The following ACOT7 variants were observed in gnomAD, a reference collection of about 807,000 sequenced individuals.
ACOT7 encodes the protein acyl-CoA thioesterase 7.
ACOT7 carries 12 observed loss-of-function variants against 40.2 expected under a neutral mutation model. The ratio of observed to expected loss-of-function variants is 0.30; its 90% CI spans 0.19 to 0.48. ACOT7 has a LOEUF of 0.48. Ranked by LOEUF, ACOT7 falls within the 20% of genes least tolerant of loss-of-function variation. The probability of loss-of-function intolerance (pLI) is 0.99; values close to 1 mark genes in which losing one functional copy is unlikely to be tolerated. For missense variants in ACOT7, 395 were observed against 530.8 expected, an observed-to-expected ratio of 0.74 and a Z score of 2.51; for synonymous variants, 228 against 219.5, an observed-to-expected ratio of 1.04 and a Z score of -0.34.
chr1:6,346,268 ATTTTTGTAG>A (rs1372254742), intron 2 of ACOT7, among the ~76,000 whole-genome samples: 4 of 152,166 alleles, frequency 2.6e-5, no homozygotes, highest in Non-Finnish European at 5.9e-5. Context: ...CACCTGGCTA[ATTTTTGTAG>A]TTTTTGTAGA....
chr1:6,390,185 G>T (rs951787465), intron 1 of ACOT7, among the ~76,000 whole-genome samples: 1 of 152,172 alleles, frequency 6.6e-6, no homozygotes, highest in East Asian at 1.9e-4. Context: ...TGGCAGTCAC[G>T]CTCTGCACCT....
intron 2 of ACOT7, among the ~76,000 whole-genome samples, chr1:6,349,103 C>G (rs1459991659): frequency 6.6e-6 from 1 of 152,202 alleles, no homozygotes; most frequent in Non-Finnish European, 1.5e-5. Context: ...GAGAAAATGT[C>G]CCCTCCCCAG....
intron 5 of ACOT7, among the ~76,000 whole-genome samples, chr1:6,323,716 CAAAAAAA>C (rs1171499592): frequency 0.011 from 762 of 68,908 alleles, 16 homozygotes; most frequent in African/African-American, 0.04. Flanking sequence ...AGACTTGTCT[CAAAAAAA>C]AAAAAAAAAA....
rs573620515 is a variant in ACOT7, at chr1:6,343,764, G to A, written c.262-4175C>T. Among the ~76,000 whole-genome samples, 5 of 152,378 alleles carry A rather than the reference G, an allele frequency of 3.3e-5. No individual in the cohort carries two copies. In the South Asian group the frequency reaches 1.0e-3, roughly 32 times the overall value. ...GAAGCCAAGTGTGTGTTGTTTGAGG[G>A]TGATTAAGTACATTACGGTATGCTA... is the stretch of plus-strand genomic sequence containing the variant. On this transcript the variant is annotated intron_variant, in intron 2 of 8. Transcript: ENST00000361521.
chr1:6,349,084 C>T lies in ACOT7; in HGVS notation c.261+665G>A, dbSNP rs183470763. ...CAAGGGCTGGCTTCCCCCCAACAGC[C>T]GCCCTTCAGAGAAAATGTCCCCTCC... is the stretch of plus-strand genomic sequence containing the variant. On this transcript the variant is annotated intron_variant, in intron 2 of 8. Transcript: ENST00000361521. 1.2e-3 allele frequency among the ~76,000 whole-genome samples: 183 copies of T among 152,308 alleles called. 1 individual carries two copies. Among genetic ancestry groups the T allele is most frequent in the African/African-American group, 4.1e-3 (171 of 41,568 alleles).
intron 1 of ACOT7, among the ~76,000 whole-genome samples, chr1:6,373,623 G>T (rs932215631): frequency 6.6e-6 from 1 of 151,908 alleles, no homozygotes; most frequent in African/African-American, 2.4e-5. Context: ...CCAGCACTTT[G>T]AGAGGCCAAG....
At chr1:6,380,872 G>A (rs2148479876) in intron 1 of ACOT7, among the ~76,000 whole-genome samples, 1 of 151,910 alleles carries the variant, frequency 6.6e-6, no homozygotes, top group East Asian at 1.9e-4. Context: ...AAAGAAAACA[G>A]ACAAATTGTA....
At position 6,358,507 on chromosome 1, in the gene ACOT7, A is replaced by G. The variant is rs1641810721; in HGVS notation, c.144-8641T>C. 6.6e-6 allele frequency among the ~76,000 whole-genome samples: 1 copy of G among 152,218 alleles called. No homozygotes were observed. Among genetic ancestry groups the G allele is most frequent in the African/African-American group, 2.4e-5 (1 of 41,464 alleles). ...GAAGGGAGCAGAGGGAAGCCACAGG[A>G]GCAAGGCTGGAAAGAAAACCAGGTG... is the stretch of plus-strand genomic sequence containing the variant. On this transcript the variant is annotated intron_variant, in intron 1 of 8. Coordinates refer to ENST00000361521, the MANE Select transcript of ACOT7 (RefSeq NM_007274.4). This position sits in a 1 kb window ranked among gnomAD's most constrained non-coding sequence, Gnocchi z 4.1.
At chr1:6,388,087 C>A (rs1642469609) in intron 1 of ACOT7, among the ~76,000 whole-genome samples, 1 of 151,282 alleles carries the variant, frequency 6.6e-6, no homozygotes, top group Non-Finnish European at 1.5e-5. Flanking sequence ...ATTACAGGCA[C>A]CCGCCACTAC....
At chr1:6,364,835 A>T (rs1641965940) in intron 1 of ACOT7, among the ~76,000 whole-genome samples, 1 of 128,212 alleles carries the variant, frequency 7.8e-6, no homozygotes, top group Admixed American at 8.6e-5. Flanking sequence ...GGACAGAGCG[A>T]GACTCCATCT....
At position 6,306,874 on chromosome 1, in the gene ACOT7, C is replaced by T. The variant is rs1294209448; in HGVS notation, c.712+11618G>A. 42 of 1,289,028 alleles carry T rather than the reference C, an allele frequency of 3.3e-5. No homozygotes were observed. The highest frequency in any genetic ancestry group is 4.1e-5 in the Non-Finnish European group (41 of 988,688). 79.8% of individuals were successfully genotyped at this position (1,289,028 alleles called of 1,614,324 possible). A position where few individuals can be genotyped will look rare whatever the true frequency, so the allele number is the denominator to read the frequency against. Reference sequence around the variant, plus strand: ...CTCTTTTGCATTTTTCAGTGAAAGTCAACTCCTCCTGCAGGTGCAAAAGAT... The same window carrying T: ...CTCTTTTGCATTTTTCAGTGAAAGTTAACTCCTCCTGCAGGTGCAAAAGAT... On this transcript the variant is annotated intron_variant, in intron 6 of 8. Transcript: ENST00000361521. The surrounding 1 kb of genome is among the most constrained non-coding windows in gnomAD (Gnocchi z 4.3).
chr1:6,342,262 T>A (rs1369077749), intron 2 of ACOT7, among the ~76,000 whole-genome samples: 2 of 152,150 alleles, frequency 1.3e-5, no homozygotes, highest in Non-Finnish European at 2.9e-5. Context: ...GACCCTTTCA[T>A]GAAGACATTG....
At chr1:6,378,243 G>A (rs1296953061) in intron 1 of ACOT7, among the ~76,000 whole-genome samples, 2 of 150,662 alleles carry the variant, frequency 1.3e-5, no homozygotes, top group Non-Finnish European at 3.0e-5. Context: ...CGGGAGGGGA[G>A]GGAGGGAGGG....
chr1:6,376,941 TA>T (rs1352526851), intron 1 of ACOT7, among the ~76,000 whole-genome samples: 1 of 152,178 alleles, frequency 6.6e-6, no homozygotes, highest in East Asian at 1.9e-4. Flanking sequence ...AGATGCCTGA[TA>T]TAAGAGGATA....
chr1:6,353,779 T>C (rs920549369), intron 1 of ACOT7, among the ~76,000 whole-genome samples: 1 of 152,054 alleles, frequency 6.6e-6, no homozygotes, highest in African/African-American at 2.4e-5. Flanking sequence ...TACTGCTGAG[T>C]CTGACATGTT....
chr1:6,366,897 A>C (rs1254406910), intron 1 of ACOT7, among the ~76,000 whole-genome samples: 1 of 151,934 alleles, frequency 6.6e-6, no homozygotes, highest in Non-Finnish European at 1.5e-5. Context: ...AGCCCAGTAG[A>C]ACTTTCAAAA....
intron 2 of ACOT7, among the ~76,000 whole-genome samples, chr1:6,340,328 C>A (rs1641243303): frequency 1.3e-5 from 2 of 152,166 alleles, no homozygotes; most frequent in African/African-American, 2.4e-5. Flanking sequence ...AGAGTCCAGC[C>A]CAAAGCAACT....
chr1:6,347,342 A>G (rs1434002647), intron 2 of ACOT7, among the ~76,000 whole-genome samples: 1 of 152,192 alleles, frequency 6.6e-6, no homozygotes, highest in Non-Finnish European at 1.5e-5. Flanking sequence ...AGGAGGGGCA[A>G]GTGTTCAAAG....
intron 2 of ACOT7, among the ~76,000 whole-genome samples, chr1:6,342,370 G>A (rs56892712): frequency 0.037 from 5,565 of 152,184 alleles, 223 homozygotes; most frequent in African/African-American, 0.097. Context: ...CAACACATGA[G>A]AGACACGAAC....
Sources: gnomAD v4.1 joint callset for allele counts (sites outside exome capture counted in the v4.1 genomes callset) on GRCh38, gnomAD v4.1.1 for gene constraint, Gnocchi (gnomAD v3.1) non-coding constraint, MANE v1.5 for transcripts, NCBI Gene and HGNC (gene_info 2026-07-23, HGNC 2026-07-21) for gene names.